The following ELF2 variants were observed in gnomAD, a reference collection of about 807,000 sequenced individuals.
ELF2 encodes the protein E74 like ETS transcription factor 2, also known as ETS-related transcription factor Elf-2.
A neutral mutation model predicts 54.8 loss-of-function variants in ELF2; 11 were observed. The observed-to-expected ratio is 0.20, with a 90% CI of 0.13 to 0.33. The LOEUF (loss-of-function observed/expected upper bound fraction) is 0.33, where lower values mean the gene tolerates loss of function less well. ELF2 is among the 10% of genes least tolerant of loss of function. The pLI is 1.00. For missense variants in ELF2, 513 were observed against 703.0 expected (o/e 0.73, Z 3.06); for synonymous variants, 203 against 245.1 (o/e 0.83, Z 1.61).
At chr4:139,066,721 C>A (rs775848423) in intron 7 of ELF2, 1 of 149,526 alleles carries the variant, frequency 6.7e-6, no homozygotes, top group Non-Finnish European at 1.5e-5. Context: ...AGACCCCCAT[C>A]TCTTAAAAAA....
chr4:139,077,815 C>T (rs1306843946), intron 4 of ELF2, among the ~76,000 whole-genome samples: 1 of 152,016 alleles, frequency 6.6e-6, no homozygotes, highest in Non-Finnish European at 1.5e-5. Flanking sequence ...TTACTTAAAA[C>T]TTGACTTACT....
At chr4:139,156,646 C>CTGT (rs34209591) in intron 1 of ELF2, among the ~76,000 whole-genome samples, 62,566 of 150,454 alleles carry the variant, frequency 0.42, 13,437 homozygotes, top group South Asian at 0.51. Context: ...GTTGTTGTTG[C>CTGT]TGTTGTTGTT....
At chr4:139,114,767 G>A (rs1323158860) in intron 4 of ELF2, among the ~76,000 whole-genome samples, 1 of 150,918 alleles carries the variant, frequency 6.6e-6, no homozygotes. Context: ...CCCAAAAGTG[G>A]AAAACTGAGG....
intron 5 of ELF2, chr4:139,072,264 G>A: frequency 2.2e-6 from 1 of 454,026 alleles, no homozygotes; most frequent in Non-Finnish European, 3.9e-6. Flanking sequence ...AATCCTCTGG[G>A]TAAGGCAAGG....
At chr4:139,069,810 C>G (rs1239837756) in intron 6 of ELF2, among the ~76,000 whole-genome samples, 3 of 152,070 alleles carry the variant, frequency 2.0e-5, no homozygotes, top group Non-Finnish European at 4.4e-5. Flanking sequence ...TTCATTGTCT[C>G]CCTTATGGTA....
In ELF2 at chr4:139,059,487, T is replaced by C. The variant is rs1247950830; in HGVS notation, c.1278A>G (p.Thr426=). 3 of 1,613,852 alleles carry C rather than the reference T, an allele frequency of 1.9e-6. No homozygotes were observed. In the African/African-American group the frequency reaches 4.0e-5, roughly 22 times the overall value. ...TGACTACCTTTGGAGAGGTCGCTGTTGTTGGACTAGTGCTGGTTATTAATG... is the reference window on the plus strand; with the variant it reads ...TGACTACCTTTGGAGAGGTCGCTGTCGTTGGACTAGTGCTGGTTATTAATG... ...GAPLITSTSP[T]TATSPKVVIQ... is the part of the protein sequence containing the mutation. The change falls in exon 10 of 10, where the codon ACA becomes ACG. Residue 426 remains threonine (T), a synonymous_variant. Coordinates refer to ENST00000686138, the MANE Select transcript of ELF2 (RefSeq NM_001331036.3).
In ELF2 at chr4:139,131,874, A is replaced by G. The variant is rs373526713; in HGVS notation, c.72+5756T>C. 3.7e-4 allele frequency among the ~76,000 whole-genome samples: 57 copies of G among 152,296 alleles called. 1 individual carries two copies. The South Asian group carries it at 5.4e-3, about 14-fold the overall frequency. ...ATACAATGAGAGACTATTCAATATC[A>G]ATTAAGCAATTAAGGCAGTTAGAGC... On this transcript the variant is annotated intron_variant, in intron 3 of 9. Coordinates refer to ENST00000686138, the MANE Select transcript of ELF2 (RefSeq NM_001331036.3).
chr4:139,065,545 C>T (rs572364606), intron 7 of ELF2, among the ~76,000 whole-genome samples: 1 of 152,266 alleles, frequency 6.6e-6, no homozygotes, highest in South Asian at 2.1e-4. Context: ...GAGAAGCTTT[C>T]TTTACCAGGT....
intron 8 of ELF2, among the ~76,000 whole-genome samples, chr4:139,060,897 G>C (rs2148660760): frequency 6.6e-6 from 1 of 152,152 alleles, no homozygotes; most frequent in East Asian, 1.9e-4. Context: ...ACAAACTTAA[G>C]GTCTATAAAC....
chr4:139,076,105 C>A (rs1333025261), intron 4 of ELF2, among the ~76,000 whole-genome samples: 1 of 151,868 alleles, frequency 6.6e-6, no homozygotes, highest in Admixed American at 6.6e-5. Context: ...CAGTCTTAAA[C>A]AACAGTCATT....
At chr4:139,144,335 G>A (rs73855023) in intron 1 of ELF2, among the ~76,000 whole-genome samples, 2,165 of 152,304 alleles carry the variant, frequency 0.014, 48 homozygotes, top group African/African-American at 0.048. Context: ...AGAGCCTTGT[G>A]CGTATTCCCG....
chr4:139,159,623 C>T (rs376311312), intron 1 of ELF2, among the ~76,000 whole-genome samples: 1 of 152,224 alleles, frequency 6.6e-6, no homozygotes, highest in Non-Finnish European at 1.5e-5. Flanking sequence ...GCTTTTTTAG[C>T]TACCTTATCA....
chr4:139,132,360 C>A (rs1039172080), intron 3 of ELF2, among the ~76,000 whole-genome samples: 2 of 152,062 alleles, frequency 1.3e-5, no homozygotes, highest in African/African-American at 4.8e-5. Flanking sequence ...CCTGTAACTA[C>A]CATCACAGTC....
chr4:139,058,815 C>G lies in ELF2; in HGVS notation c.*168G>C, dbSNP rs1727382120. On this transcript the variant is annotated 3_prime_UTR_variant, in exon 10 of 10. Transcript: ENST00000686138. ...CAGCATCTCAATATGTAGTTCATTT[C>G]CCACTGAAACATGGGATAGGTAATT... The G allele has an allele frequency of 1.1e-6, 1 of 933,286 alleles. No individual in the cohort carries two copies. Among genetic ancestry groups the G allele is most frequent in the Non-Finnish European group, 1.5e-6 (1 of 653,184 alleles). The allele number at this position is 933,286 out of a possible 1,614,324, so 57.8% of individuals were successfully genotyped here.
At chr4:139,170,289 G>A (rs1438221831) in intron 1 of ELF2, among the ~76,000 whole-genome samples, 1 of 118,714 alleles carries the variant, frequency 8.4e-6, no homozygotes, top group Non-Finnish European at 1.6e-5. Flanking sequence ...TTTTGAGACA[G>A]AGTCTCGCTC....
intron 4 of ELF2, among the ~76,000 whole-genome samples, chr4:139,091,954 TATATATACATATATACACTACATATATAC>T (rs1214884833): frequency 2.0e-5 from 3 of 148,582 alleles, no homozygotes; most frequent in Non-Finnish European, 3.0e-5. Flanking sequence ...TATACACACA[TATATATACATATATACACTACATATATAC>T]ATATATACAC....
intron 3 of ELF2, among the ~76,000 whole-genome samples, chr4:139,125,764 A>C (rs1388190398): frequency 6.7e-6 from 1 of 149,294 alleles, no homozygotes; most frequent in African/African-American, 2.5e-5. Context: ...CAGCAAAGCC[A>C]AATCAGTCTG....
At position 139,058,857 on chromosome 4, in the gene ELF2, G is replaced by C; in HGVS notation, c.*126C>G. On this transcript the variant is annotated 3_prime_UTR_variant, in exon 10 of 10. Coordinates refer to ENST00000686138, the MANE Select transcript of ELF2 (RefSeq NM_001331036.3). ...TAGGTAATTTATTTCCAGTAAGTCTGATTGTTTTTGTATATGCATTAAAAA... is the reference window on the plus strand; with the variant it reads ...TAGGTAATTTATTTCCAGTAAGTCTCATTGTTTTTGTATATGCATTAAAAA... 1 of 1,323,612 alleles carries C rather than the reference G, an allele frequency of 7.6e-7. No homozygotes were observed. 82.0% of individuals were successfully genotyped at this position (1,323,612 alleles called of 1,614,324 possible). A position where few individuals can be genotyped will look rare whatever the true frequency, so the allele number is the denominator to read the frequency against.
intron 4 of ELF2, among the ~76,000 whole-genome samples, chr4:139,106,386 GA>G (rs566266716): frequency 7.8e-4 from 118 of 151,658 alleles, no homozygotes; most frequent in Non-Finnish European, 1.4e-3. Flanking sequence ...AAAGGATGAT[GA>G]AAAAAAAGGT....
Sources: allele counts gnomAD v4.1 joint callset (sites outside exome capture counted in the v4.1 genomes callset), GRCh38; gene constraint gnomAD v4.1.1; transcripts MANE v1.5; gene names NCBI Gene and HGNC (gene_info 2026-07-23, HGNC 2026-07-21).